TGFBR1: variants seen among roughly 807,000 people sequenced by gnomAD.
TGFBR1 encodes the protein transforming growth factor beta receptor 1.
In TGFBR1, 20 loss-of-function variants were observed where a neutral mutation model predicts 55.1. The ratio of observed to expected loss-of-function variants is 0.36; its 90% CI spans 0.26 to 0.53. The LOEUF (loss-of-function observed/expected upper bound fraction) is 0.53. TGFBR1 is among the 20% of genes least tolerant of loss of function. The probability of loss-of-function intolerance (pLI) is 0.91; values close to 1 mark genes in which losing one functional copy is unlikely to be tolerated. For missense variants in TGFBR1, 385 were observed against 617.6 expected (o/e 0.62, Z 3.99); for synonymous variants, 220 against 214.8 (o/e 1.02, Z -0.21).
rs777780517 is a variant in TGFBR1 at position 99,133,992 on chromosome 9, C to T, written c.574+1253C>T. ...GCACTCCAGCCTGGGAAACAGACTC[C>T]ATCTAAAAAAAAAAAAAAAAAAAAA... is the stretch of plus-strand genomic sequence containing the variant. On this transcript the variant is annotated intron_variant, in intron 3 of 8. Coordinates refer to ENST00000374994, the MANE Select transcript of TGFBR1 (RefSeq NM_004612.4). Among the ~76,000 whole-genome samples, 94 of 134,860 alleles carry T rather than the reference C, an allele frequency of 7.0e-4. 1 individual carries two copies. Among genetic ancestry groups the T allele is most frequent in the Non-Finnish European group, 1.2e-3 (78 of 63,970 alleles). The allele number at this position is 134,860 out of a possible 152,430, so 88.5% of individuals were successfully genotyped here.
Position 99,154,184 on chromosome 9 carries a change from C to T in TGFBR1, c.*4879C>T, listed in dbSNP as rs1214397021. On this transcript the variant is annotated 3_prime_UTR_variant, in exon 9 of 9. Transcript: ENST00000374994. The stretch of plus-strand genomic sequence containing the variant: ...AAAAAAAGTGAAATTAAAGACATTC[C>T]CAGACAAATACTAAGACAATTTGTT... 3 of 219,090 alleles carry T rather than the reference C, an allele frequency of 1.4e-5. No individual in the cohort carries two copies. The highest frequency in any genetic ancestry group is 2.2e-5 in the African/African-American group (1 of 44,486). 13.6% of individuals were successfully genotyped at this position (219,090 alleles called of 1,614,324 possible). A position where few individuals can be genotyped will look rare whatever the true frequency, so the allele number is the denominator to read the frequency against.
chr9:99,148,444 C>A (rs538061084), intron 8 of TGFBR1, among the ~76,000 whole-genome samples: 1 of 152,164 alleles, frequency 6.6e-6, no homozygotes, highest in Admixed American at 6.5e-5. Context: ...GTTACTATTA[C>A]AATATTGGTG....
At chr9:99,114,308 A>G (rs943160734) in intron 1 of TGFBR1, among the ~76,000 whole-genome samples, 2 of 152,224 alleles carry the variant, frequency 1.3e-5, no homozygotes, top group Non-Finnish European at 2.9e-5. Context: ...TTAGAAGTTG[A>G]ACACAATACT....
Position 99,131,152 on chromosome 9 carries a change from A to G in TGFBR1, c.344-1357A>G, listed in dbSNP as rs75132397. Among the ~76,000 whole-genome samples, 477 of 152,292 alleles carry G rather than the reference A, an allele frequency of 3.1e-3. 5 individuals are homozygous for G. Among genetic ancestry groups the G allele is most frequent in the African/African-American group, 0.011 (450 of 41,566 alleles). ...CATATAATAAAAAGTATCAATTTCA[A>G]GAATAAAAGAATTATATAAGCATTT... On this transcript the variant is annotated intron_variant, in intron 2 of 8. Coordinates refer to ENST00000374994, the MANE Select transcript of TGFBR1 (RefSeq NM_004612.4).
chr9:99,133,896 C>T (rs561448112), intron 3 of TGFBR1, among the ~76,000 whole-genome samples: 35 of 151,290 alleles, frequency 2.3e-4, no homozygotes, highest in Non-Finnish European at 4.0e-4. Flanking sequence ...CCCAGCTACT[C>T]GGGAGGCCGA....
chr9:99,131,694 G>A (rs1184166118), intron 2 of TGFBR1, among the ~76,000 whole-genome samples: 3 of 151,948 alleles, frequency 2.0e-5, no homozygotes, highest in East Asian at 1.9e-4. Context: ...CCTATTGGCC[G>A]GGCATGGCTC....
intron 1 of TGFBR1, among the ~76,000 whole-genome samples, chr9:99,116,405 G>A (rs984391016): frequency 1.3e-5 from 2 of 152,172 alleles, no homozygotes; most frequent in South Asian, 2.1e-4. Flanking sequence ...AGGAAATAGC[G>A]TAGTTGCCCT....
chr9:99,125,922 G>C (rs925780233), intron 1 of TGFBR1, among the ~76,000 whole-genome samples: 2 of 152,118 alleles, frequency 1.3e-5, no homozygotes, highest in African/African-American at 4.8e-5. Flanking sequence ...AACAAAACAA[G>C]CTTGGCCCTT....
chr9:99,128,148 G>A (rs1338980495), intron 1 of TGFBR1: 1 of 376,814 alleles, frequency 2.7e-6, no homozygotes, highest in Admixed American at 3.5e-5. Context: ...AGATCAAGTA[G>A]ATACAAGTGG....
intron 4 of TGFBR1, among the ~76,000 whole-genome samples, chr9:99,141,898 G>A (rs1167262762): frequency 6.6e-6 from 1 of 152,114 alleles, no homozygotes; most frequent in East Asian, 1.9e-4. Context: ...TTCCAGTTTT[G>A]CTCCTGACAT....
chr9:99,148,762 G>A (rs1827882382), intron 8 of TGFBR1, among the ~76,000 whole-genome samples: 1 of 151,928 alleles, frequency 6.6e-6, no homozygotes, highest in Non-Finnish European at 1.5e-5. Context: ...AGCCTGGGAG[G>A]TCAAGGCTGC....
At chr9:99,115,655 A>G (rs1031186397) in intron 1 of TGFBR1, among the ~76,000 whole-genome samples, 1 of 152,272 alleles carries the variant, frequency 6.6e-6, no homozygotes, top group South Asian at 2.1e-4. Context: ...TCAAACTATA[A>G]TGTGCTCTAA....
Position 99,147,759 on chromosome 9 carries a change from T to C in TGFBR1, c.1361T>C (p.Ile454Thr), listed in dbSNP as rs1296876126. The C allele has an allele frequency of 6.2e-7, 1 of 1,613,748 alleles. No homozygotes were observed. Among genetic ancestry groups the C allele is most frequent in the Non-Finnish European group, 8.5e-7 (1 of 1,179,836 alleles). Residue 454 changes from isoleucine (I) to threonine (T), a missense_variant, in exon 8 of 9, where the codon ATC (isoleucine) becomes ACC (threonine). Ile to Thr is a moderately conservative substitution (Grantham distance 89). This residue lies in a region of TGFBR1 where 110 missense variants were observed against 154.6 expected (regional missense o/e 0.71). Coordinates refer to ENST00000374994, the MANE Select transcript of TGFBR1 (RefSeq NM_004612.4). ...TGTGAACAGAAGTTAAGGCCAAATA[T>C]CCCAAACAGATGGCAGAGCTGTGAA... ...VVCEQKLRPN[I>T]PNRWQSCEAL...
At chr9:99,105,515 G>A (rs1354664650) in intron 1 of TGFBR1, among the ~76,000 whole-genome samples, 1 of 150,618 alleles carries the variant, frequency 6.6e-6, no homozygotes, top group African/African-American at 2.4e-5. Context: ...CGTGTGTCCG[G>A]GCGCGGGCGG....
chr9:99,148,574 TAAGC>T (rs1287072859), intron 8 of TGFBR1, among the ~76,000 whole-genome samples: 1 of 152,186 alleles, frequency 6.6e-6, no homozygotes, highest in Non-Finnish European at 1.5e-5. Flanking sequence ...GAACCTCTGA[TAAGC>T]AAGAGAGCTT....
chr9:99,128,731 A>C (rs1359570094), intron 1 of TGFBR1, 124 bp from the exon 2 acceptor site: 4 of 1,314,768 alleles, frequency 3.0e-6, no homozygotes, highest in Non-Finnish European at 4.3e-6. Flanking sequence ...TGCTTCTAAG[A>C]GCAACAAACA....
intron 4 of TGFBR1, among the ~76,000 whole-genome samples, chr9:99,142,019 G>T (rs1314698785): frequency 6.6e-6 from 1 of 152,164 alleles, no homozygotes; most frequent in African/African-American, 2.4e-5. Flanking sequence ...TGTGAACTGT[G>T]TACACAATCT....
At chr9:99,134,799 CCATTA>C (rs1827368125) in intron 3 of TGFBR1, among the ~76,000 whole-genome samples, 5 of 69,766 alleles carry the variant, frequency 7.2e-5, no homozygotes, top group African/African-American at 2.7e-4. Flanking sequence ...AATTCTGTTT[CCATTA>C]TATATATATA....
At chr9:99,146,312 A>G (rs1239449310) in intron 6 of TGFBR1, among the ~76,000 whole-genome samples, 173 bp from the exon 7 acceptor site, 1 of 152,218 alleles carries the variant, frequency 6.6e-6, no homozygotes, top group Admixed American at 6.5e-5. Context: ...GATTTAGTTG[A>G]CATCATTAAT....
Sources: allele counts gnomAD v4.1 joint callset (sites outside exome capture counted in the v4.1 genomes callset), GRCh38; gene constraint gnomAD v4.1.1; regional missense constraint gnomAD v4.1.1; transcripts MANE v1.5; gene names NCBI Gene and HGNC (gene_info 2026-07-23, HGNC 2026-07-21).